HYAL4: variants seen among roughly 807,000 people sequenced by gnomAD.
The protein encoded by HYAL4 is hyaluronidase 4, also known as hyaluronidase-4.
HYAL4 carries 37 observed loss-of-function variants against 35.2 expected under a neutral mutation model. The ratio of observed to expected loss-of-function variants is 1.05; its 90% CI spans 0.81 to 1.38. The LOEUF (loss-of-function observed/expected upper bound fraction) is 1.38. HYAL4 is among the 40% of genes most tolerant of loss of function. HYAL4 has a pLI of 0.00. For synonymous variants in HYAL4, 198 were observed against 203.2 expected, an observed-to-expected ratio of 0.97 and a Z score of 0.22; for missense variants, 572 against 572.4, an observed-to-expected ratio of 1.00 and a Z score of 0.01.
intron 2 of HYAL4, among the ~76,000 whole-genome samples, chr7:123,856,113 A>G (rs908607937): frequency 1.3e-5 from 2 of 151,892 alleles, no homozygotes; most frequent in African/African-American, 2.4e-5. Flanking sequence ...CCTTTTATCA[A>G]GGTTCTTAGG....
chr7:123,848,575 A>C lies in HYAL4; in HGVS notation c.-52+417A>C, dbSNP rs74400436. 2.0e-4 allele frequency among the ~76,000 whole-genome samples: 30 copies of C among 152,376 alleles called. No homozygotes were observed. The East Asian group carries it at 5.6e-3, about 28-fold the overall frequency. Reference sequence around the variant, plus strand: ...AACTACAAACAAGCCATAGGAACACATGACTTCATGAGACAGCCACAACTT... The same window carrying C: ...AACTACAAACAAGCCATAGGAACACCTGACTTCATGAGACAGCCACAACTT... On this transcript the variant is annotated intron_variant, in intron 2 of 4. Transcript: ENST00000223026.
upstream of HYAL4, among the ~76,000 whole-genome samples, chr7:123,825,224 A>G (rs1805788591): frequency 1.3e-5 from 2 of 152,070 alleles, no homozygotes; most frequent in Admixed American, 6.6e-5. Context: ...CACGTTACAT[A>G]TAAATGGTGT....
chr7:123,835,759 G>A (rs1403704948), intron 1 of HYAL4, among the ~76,000 whole-genome samples: 3 of 151,978 alleles, frequency 2.0e-5, no homozygotes, highest in Non-Finnish European at 4.4e-5. Context: ...GTATCCCAGA[G>A]GTTTTAATAG....
chr7:123,793,045 C>G, the HYAL4 span, among the ~76,000 whole-genome samples: 1 of 152,160 alleles, frequency 6.6e-6, no homozygotes, highest in African/African-American at 2.4e-5. Context: ...GGATTGAGCT[C>G]TCTTCTACAG....
intron 2 of HYAL4, among the ~76,000 whole-genome samples, chr7:123,859,645 T>G (rs1424073496): frequency 1.3e-5 from 2 of 152,174 alleles, no homozygotes; most frequent in African/African-American, 4.8e-5. Context: ...CAAATAAAAT[T>G]ATAAAAATGA....
At chr7:123,872,688 G>A (rs767109620) in intron 3 of HYAL4, among the ~76,000 whole-genome samples, 1 of 152,150 alleles carries the variant, frequency 6.6e-6, no homozygotes, top group Admixed American at 6.5e-5. Context: ...AAGCTTTCAG[G>A]TGGTCCCAAT....
At chr7:123,792,593 T>C in the HYAL4 span, among the ~76,000 whole-genome samples, 4 of 152,126 alleles carry the variant, frequency 2.6e-5, no homozygotes, top group African/African-American at 9.7e-5. Flanking sequence ...TAGAAGCCCC[T>C]CCTGTTAATT....
At chr7:123,763,973 C>T in the HYAL4 span, among the ~76,000 whole-genome samples, 3 of 152,156 alleles carry the variant, frequency 2.0e-5, no homozygotes, top group African/African-American at 4.8e-5. Flanking sequence ...GCAAGCTTTC[C>T]TTCAATAAAT....
intron 2 of HYAL4, among the ~76,000 whole-genome samples, chr7:123,854,147 ATTTTGCTAACC>A (rs1319367881): frequency 6.6e-6 from 1 of 151,800 alleles, no homozygotes; most frequent in Non-Finnish European, 1.5e-5. Flanking sequence ...CTAGCAGTCT[ATTTTGCTAACC>A]TTTTCAAAGA....
chr7:123,797,237 G>T, the HYAL4 span, among the ~76,000 whole-genome samples: 1 of 152,296 alleles, frequency 6.6e-6, no homozygotes, highest in South Asian at 2.1e-4. Context: ...GCATCTATTT[G>T]CTATGACTAT....
chr7:123,810,601 C>T, the HYAL4 span, among the ~76,000 whole-genome samples: 11 of 152,312 alleles, frequency 7.2e-5, no homozygotes, highest in Admixed American at 6.5e-4. Context: ...TCACAACCTT[C>T]CCTGCTATTG....
At chr7:123,828,261 A>G (rs1388285693), upstream of HYAL4, among the ~76,000 whole-genome samples, 5 of 152,184 alleles carry the variant, frequency 3.3e-5, no homozygotes. Flanking sequence ...TGTTATATTT[A>G]TATTATGAAA....
At chr7:123,838,648 G>A (rs1806006588) in intron 1 of HYAL4, among the ~76,000 whole-genome samples, 1 of 152,014 alleles carries the variant, frequency 6.6e-6, no homozygotes, top group African/African-American at 2.4e-5. Flanking sequence ...TTTCCTGGTT[G>A]TTCCTTGAGC....
the HYAL4 span, among the ~76,000 whole-genome samples, chr7:123,765,668 T>A: frequency 6.6e-6 from 1 of 152,142 alleles, no homozygotes; most frequent in Admixed American, 6.5e-5. Context: ...AAATTAAAAC[T>A]TAAAGGAACA....
chr7:123,810,470 T>C, the HYAL4 span, among the ~76,000 whole-genome samples: 1 of 152,216 alleles, frequency 6.6e-6, no homozygotes, highest in Non-Finnish European at 1.5e-5. Context: ...TAGCAGTGAA[T>C]GCAATTGCAT....
At chr7:123,855,011 A>G (rs1806400206) in intron 2 of HYAL4, among the ~76,000 whole-genome samples, 1 of 152,064 alleles carries the variant, frequency 6.6e-6, no homozygotes. Context: ...TTGTTGGTTT[A>G]AAGTCTGTTT....
At chr7:123,875,447 A>G (rs1046645931) in intron 4 of HYAL4, among the ~76,000 whole-genome samples, 2 of 152,016 alleles carry the variant, frequency 1.3e-5, no homozygotes, top group African/African-American at 4.8e-5. Flanking sequence ...ACTTCAGGCC[A>G]GGAGTTCGAG....
upstream of HYAL4, among the ~76,000 whole-genome samples, chr7:123,843,174 G>A (rs1424325270): frequency 6.6e-6 from 1 of 151,994 alleles, no homozygotes. Context: ...TCCTTCAGGA[G>A]TTCTTGTAAG....
At chr7:123,803,678 CAGA>C in the HYAL4 span, among the ~76,000 whole-genome samples, 1 of 152,226 alleles carries the variant, frequency 6.6e-6, no homozygotes, top group African/African-American at 2.4e-5. Flanking sequence ...CACTTCAACA[CAGA>C]AGATGCCCAA....
Sources: gnomAD v4.1 joint callset for allele counts (sites outside exome capture counted in the v4.1 genomes callset) on GRCh38, gnomAD v4.1.1 for gene constraint, MANE v1.5 for transcripts, NCBI Gene and HGNC (gene_info 2026-07-23, HGNC 2026-07-21) for gene names.